Variants in CPB1 observed in about 807,000 individuals in gnomAD.
The protein encoded by CPB1 is carboxypeptidase B.
CPB1 carries 53 observed loss-of-function variants against 51.4 expected under a neutral mutation model. The ratio of observed to expected loss-of-function variants is 1.03; its 90% CI spans 0.83 to 1.30. CPB1 has a LOEUF of 1.30. CPB1 is among the 50% of genes most tolerant of loss of function. The probability of loss-of-function intolerance (pLI) is 0.00; values close to 1 mark genes in which losing one functional copy is unlikely to be tolerated. For missense variants in CPB1, 494 were observed against 516.2 expected (o/e 0.96, Z 0.42); for synonymous variants, 189 against 186.9 (o/e 1.01, Z -0.09).
At position 148,844,565 on chromosome 3, in the gene CPB1, G is replaced by A. The variant is rs780429134; in HGVS notation, c.664G>A (p.Gly222Ser). 12 of 1,613,488 alleles carry A rather than the reference G, an allele frequency of 7.4e-6. No homozygotes were observed. In the Admixed American group the frequency reaches 8.3e-5, roughly 11 times the overall value. Reference protein sequence around the residue: ...FYVLPVLNIDGYIYTWTKSRF... With the variant: ...FYVLPVLNIDSYIYTWTKSRF... ...TGTCCTGCCTGTGCTCAATATTGAT[G>A]GCTACATCTACACCTGGACCAAGGT... The change falls in exon 7 of 11, where the codon GGC becomes AGC. Residue 222 changes from glycine to serine, a missense_variant. Gly to Ser is a moderately conservative substitution (Grantham distance 56, BLOSUM62 0). Transcript: ENST00000282957.
chr3:148,855,744 A>G (rs1713553800), intron 9 of CPB1: 1 of 152,246 alleles, frequency 6.6e-6, no homozygotes, highest in African/African-American at 2.4e-5. Flanking sequence ...TTAAGGAAAA[A>G]TTGAAGTAAA....
chr3:148,847,665 C>A (rs1288969049), intron 9 of CPB1, among the ~76,000 whole-genome samples: 1 of 151,882 alleles, frequency 6.6e-6, no homozygotes, highest in Non-Finnish European at 1.5e-5. Flanking sequence ...ATTCTAATTG[C>A]CAAAGAAGTA....
chr3:148,841,083 A>T (rs1713061833), intron 5 of CPB1, 108 bp downstream of exon 5: 5 of 872,852 alleles, frequency 5.7e-6, no homozygotes, highest in Non-Finnish European at 7.1e-6. Flanking sequence ...CATTGTTATA[A>T]CTCTTTCCTG....
At chr3:148,842,251 T>G (rs1713109232) in intron 6 of CPB1, among the ~76,000 whole-genome samples, 1 of 152,156 alleles carries the variant, frequency 6.6e-6, no homozygotes, top group Non-Finnish European at 1.5e-5. Flanking sequence ...TATTTGAATT[T>G]CACTCATCTG....
chr3:148,842,332 T>C (rs1285932701), intron 6 of CPB1, among the ~76,000 whole-genome samples: 1 of 152,226 alleles, frequency 6.6e-6, no homozygotes, highest in Admixed American at 6.5e-5. Context: ...AAGCTAATGG[T>C]TGTGGTTAAA....
rs1713183604 is a variant in CPB1, at chr3:148,844,735, A to G, written c.746A>G (p.Asp249Gly). Reference sequence around the variant, plus strand: ...ACTGGATCTAGCTGCATTGGCACAGACCCCAACAGAAATTTTGATGCTGGT... The same window carrying G: ...ACTGGATCTAGCTGCATTGGCACAGGCCCCAACAGAAATTTTGATGCTGGT... ...THTGSSCIGT[D>G]PNRNFDAGWC... The change falls in exon 8 of 11, where the codon GAC (aspartate) becomes GGC (glycine). Residue 249 changes from aspartate (D) to glycine (G), a missense_variant. Coordinates refer to ENST00000282957, the MANE Select transcript of CPB1 (RefSeq NM_001871.3). 1 of 1,613,980 alleles carries G rather than the reference A, an allele frequency of 6.2e-7. No homozygotes were observed. The highest frequency in any genetic ancestry group is 8.5e-7 in the Non-Finnish European group (1 of 1,179,868).
chr3:148,854,154 T>A (rs1713508018), intron 9 of CPB1: 1 of 152,230 alleles, frequency 6.6e-6, no homozygotes, highest in Non-Finnish European at 1.5e-5. Context: ...TACCTTTCTC[T>A]CTACCATTCT....
chr3:148,832,001 G>C (rs9870271), intron 2 of CPB1, among the ~76,000 whole-genome samples: 43,989 of 151,970 alleles, frequency 0.29, 6,981 homozygotes, highest in Non-Finnish European at 0.36. Context: ...CAGTATAGTG[G>C]GTCTGTGTCA....
At chr3:148,850,700 A>G (rs1713401675) in intron 9 of CPB1, among the ~76,000 whole-genome samples, 1 of 152,220 alleles carries the variant, frequency 6.6e-6, no homozygotes, top group Admixed American at 6.5e-5. Flanking sequence ...ATCAGAGGGA[A>G]GAAATATTGT....
chr3:148,839,499 A>C (rs778779342), intron 3 of CPB1, among the ~76,000 whole-genome samples: 49 of 152,246 alleles, frequency 3.2e-4, no homozygotes, highest in Non-Finnish European at 5.3e-4. Flanking sequence ...AATAACTTTT[A>C]AAATCTGCAT....
intron 9 of CPB1, 117 bp downstream of exon 9, chr3:148,845,743 T>A: frequency 1.3e-6 from 1 of 794,288 alleles, no homozygotes; most frequent in Non-Finnish European, 2.0e-6. Context: ...ATTTTTTTGG[T>A]AGTAGAATTG....
chr3:148,838,539 A>C (rs1311988473), intron 3 of CPB1: 1 of 151,624 alleles, frequency 6.6e-6, no homozygotes, highest in Non-Finnish European at 1.5e-5. Flanking sequence ...TGGTTTGGTT[A>C]GTCTGTTTTT....
intron 9 of CPB1, among the ~76,000 whole-genome samples, chr3:148,848,635 C>T (rs1172629061): frequency 1.3e-5 from 2 of 152,126 alleles, no homozygotes; most frequent in African/African-American, 4.8e-5. Flanking sequence ...AAACAGCAGT[C>T]CTTTGATATC....
intron 3 of CPB1, among the ~76,000 whole-genome samples, chr3:148,838,710 C>T (rs79533107): frequency 3.0e-3 from 462 of 152,208 alleles, no homozygotes; most frequent in African/African-American, 0.011. Context: ...GGAATCAAGT[C>T]ACTGCATTTT....
intron 2 of CPB1, 110 bp downstream of exon 2, chr3:148,828,187 C>G: frequency 4.4e-6 from 4 of 905,746 alleles, no homozygotes; most frequent in Non-Finnish European, 3.4e-6. Context: ...ATTTTGGTAG[C>G]AAGAAATAAA....
intron 9 of CPB1, among the ~76,000 whole-genome samples, chr3:148,853,144 C>T (rs1713480347): frequency 6.6e-6 from 1 of 152,118 alleles, no homozygotes; most frequent in South Asian, 2.1e-4. Flanking sequence ...TGGCTAAACT[C>T]AGAACTTTCA....
intron 4 of CPB1, 31 bp from the exon 5 acceptor site, chr3:148,840,843 A>G: frequency 6.2e-7 from 1 of 1,613,458 alleles, no homozygotes; most frequent in South Asian, 1.1e-5. Flanking sequence ...CAAGAATGCC[A>G]CATTGATCTA....
At chr3:148,850,776 C>A (rs1713403763) in intron 9 of CPB1, among the ~76,000 whole-genome samples, 1 of 152,172 alleles carries the variant, frequency 6.6e-6, no homozygotes, top group South Asian at 2.1e-4. Context: ...ACAGCTGTAC[C>A]ATGTCCCTGC....
intron 2 of CPB1, 77 bp from the exon 3 acceptor site, chr3:148,834,421 T>C: frequency 1.5e-6 from 2 of 1,301,828 alleles, no homozygotes; most frequent in Non-Finnish European, 2.2e-6. Flanking sequence ...CTCAATTCAG[T>C]AGAGCAATAA....
Sources: allele counts gnomAD v4.1 joint callset (sites outside exome capture counted in the v4.1 genomes callset), GRCh38; gene constraint gnomAD v4.1.1; transcripts MANE v1.5; gene names NCBI Gene and HGNC (gene_info 2026-07-23, HGNC 2026-07-21).